Variants in PDCD1LG2 observed in about 807,000 individuals in gnomAD.
The protein encoded by PDCD1LG2 is B7 dendritic cell molecule.
A neutral mutation model predicts 28.2 loss-of-function variants in PDCD1LG2; 32 were observed. That is an observed-to-expected ratio of 1.13 (90% CI 0.86 to 1.52). The LOEUF is 1.52. PDCD1LG2 is among the 40% of genes most tolerant of loss of function. The pLI, the probability that PDCD1LG2 is intolerant of heterozygous loss-of-function variation, is 0.00. For synonymous variants in PDCD1LG2, 116 were observed against 120.2 expected, an observed-to-expected ratio of 0.97 and a Z score of 0.23; for missense variants, 385 against 323.8, an observed-to-expected ratio of 1.19 and a Z score of -1.45.
chr9:5,532,212 C>T (rs149478478), intron 2 of PDCD1LG2, among the ~76,000 whole-genome samples: 1 of 152,336 alleles, frequency 6.6e-6, no homozygotes, highest in East Asian at 1.9e-4. Context: ...TGTACACTCA[C>T]CTTATAGCCC....
intron 6 of PDCD1LG2, among the ~76,000 whole-genome samples, chr9:5,564,788 A>G (rs1816631691): frequency 6.6e-6 from 1 of 152,156 alleles, no homozygotes; most frequent in African/African-American, 2.4e-5. Flanking sequence ...CACCAACACC[A>G]CTGCCATGAG....
At chr9:5,539,688 TG>T in intron 3 of PDCD1LG2, among the ~76,000 whole-genome samples, 1 of 151,942 alleles carries the variant, frequency 6.6e-6, no homozygotes, top group Non-Finnish European at 1.5e-5. Context: ...TCAGAGGAGC[TG>T]GGGTTGAGAA....
At chr9:5,515,726 A>G (rs1820144763) in intron 1 of PDCD1LG2, among the ~76,000 whole-genome samples, 2 of 151,900 alleles carry the variant, frequency 1.3e-5, no homozygotes, top group African/African-American at 4.8e-5. Flanking sequence ...GTTCGAGACC[A>G]GCTTGGCCAA....
chr9:5,548,022 C>G (rs1326123990), intron 3 of PDCD1LG2, among the ~76,000 whole-genome samples: 1 of 143,866 alleles, frequency 7.0e-6, no homozygotes, highest in South Asian at 2.4e-4. Flanking sequence ...TTATTTTTTT[C>G]TCTTCTTAAT....
rs115618212 is a variant in PDCD1LG2 at position 5,526,165 on chromosome 9, A to T, written c.55+3564A>T. The stretch of plus-strand genomic sequence containing the variant: ...TGTGCTAGTTCTTAGGGTAGGTGGT[A>T]GGTTCACAGATGTTCATTTTACTTA... On this transcript the variant is annotated intron_variant, in intron 2 of 6. Transcript: ENST00000397747. Among the ~76,000 whole-genome samples, 1,261 of 152,264 alleles carry T rather than the reference A, an allele frequency of 8.3e-3. 19 individuals carry two copies. The highest frequency in any genetic ancestry group is 0.028 in the African/African-American group (1,176 of 41,550).
chr9:5,559,078 G>C (rs1211702300), intron 5 of PDCD1LG2, among the ~76,000 whole-genome samples: 1 of 152,176 alleles, frequency 6.6e-6, no homozygotes, highest in African/African-American at 2.4e-5. Context: ...CTTCAGAAAT[G>C]AGCAGCTGAG....
At chr9:5,567,210 A>G (rs979606536) in intron 6 of PDCD1LG2, among the ~76,000 whole-genome samples, 1 of 152,222 alleles carries the variant, frequency 6.6e-6, no homozygotes, top group Non-Finnish European at 1.5e-5. Context: ...AAGGACACCT[A>G]CCAATGTCTT....
intron 4 of PDCD1LG2, among the ~76,000 whole-genome samples, chr9:5,551,281 C>T (rs1235701934): frequency 6.6e-6 from 1 of 152,154 alleles, no homozygotes; most frequent in East Asian, 1.9e-4. Flanking sequence ...AGAAAATTCA[C>T]TATATTGTCA....
At chr9:5,528,336 C>G (rs888422649) in intron 2 of PDCD1LG2, among the ~76,000 whole-genome samples, 3 of 150,924 alleles carry the variant, frequency 2.0e-5, no homozygotes, top group African/African-American at 7.3e-5. Flanking sequence ...GGGTATCACT[C>G]TGTTGCCCAG....
chr9:5,523,697 A>G (rs1820319452), intron 2 of PDCD1LG2, among the ~76,000 whole-genome samples: 1 of 152,236 alleles, frequency 6.6e-6, no homozygotes, highest in African/African-American at 2.4e-5. Flanking sequence ...AAAAGGGGCA[A>G]TAACTTCCTT....
At chr9:5,528,717 T>G (rs1290025962) in intron 2 of PDCD1LG2, among the ~76,000 whole-genome samples, 1 of 152,226 alleles carries the variant, frequency 6.6e-6, no homozygotes, top group Non-Finnish European at 1.5e-5. Flanking sequence ...ATTGTTTATT[T>G]TCTTATTGTA....
rs1431913039 is a variant in PDCD1LG2 at position 5,549,470 on chromosome 9, A to T, written c.497A>T (p.His166Leu). ...PNVSVPANTSHSRTPEGLYQV... is the reference protein window; with the variant it reads ...PNVSVPANTSLSRTPEGLYQV... Reference sequence around the variant, plus strand: ...GTCAGCGTTCCTGCCAACACCAGCCACTCCAGGACCCCTGAAGGCCTCTAC... The same window carrying T: ...GTCAGCGTTCCTGCCAACACCAGCCTCTCCAGGACCCCTGAAGGCCTCTAC... The change falls in exon 4 of 7, where the codon CAC becomes CTC. Residue 166 changes from histidine (H) to leucine (L), a missense_variant. By Grantham distance (99) the His-to-Leu change is moderately conservative. Transcript: ENST00000397747. 1 of 1,613,968 alleles carries T rather than the reference A, an allele frequency of 6.2e-7. No individual in the cohort carries two copies. The highest frequency in any genetic ancestry group is 1.1e-5 in the South Asian group (1 of 91,078).
chr9:5,513,455 A>C (rs1035951451), intron 1 of PDCD1LG2, among the ~76,000 whole-genome samples: 2 of 152,228 alleles, frequency 1.3e-5, no homozygotes, highest in African/African-American at 4.8e-5. Flanking sequence ...TGAGAGTTTT[A>C]ACCTTCCAAT....
rs548319143 is a variant in PDCD1LG2 at position 5,525,768 on chromosome 9, G to A, written c.55+3167G>A. ...ATAAAGCTTAAAAAGTAAAGAAGAG[G>A]CCGGGCATGGTGGCTCACGCCTGTA... On this transcript the variant is annotated intron_variant, in intron 2 of 6. Transcript: ENST00000397747. 9.9e-5 allele frequency among the ~76,000 whole-genome samples: 15 copies of A among 152,160 alleles called. No homozygotes were observed. In the East Asian group the frequency reaches 2.5e-3, roughly 25 times the overall value.
At chr9:5,538,860 A>AATTGTACT (rs1820635164) in intron 3 of PDCD1LG2, among the ~76,000 whole-genome samples, 1 of 152,090 alleles carries the variant, frequency 6.6e-6, no homozygotes, top group Admixed American at 6.5e-5. Context: ...AATTGACAAT[A>AATTGTACT]ATTGTACTTA....
intron 4 of PDCD1LG2, among the ~76,000 whole-genome samples, chr9:5,554,729 C>A (rs1247721988): frequency 5.3e-5 from 8 of 152,178 alleles, no homozygotes; most frequent in Non-Finnish European, 8.8e-5. Context: ...TATAAAAGGA[C>A]CCTTGTAGGG....
intron 6 of PDCD1LG2, among the ~76,000 whole-genome samples, chr9:5,566,766 G>A (rs1222510386): frequency 2.0e-5 from 3 of 152,034 alleles, no homozygotes; most frequent in South Asian, 2.1e-4. Flanking sequence ...TAGACCCTAC[G>A]TTGCCATTTA....
intron 3 of PDCD1LG2, among the ~76,000 whole-genome samples, chr9:5,540,846 C>T (rs1020214111): frequency 1.2e-4 from 19 of 152,056 alleles, no homozygotes; most frequent in African/African-American, 4.6e-4. Context: ...AGAGGGAATC[C>T]TCCCTAAATC....
At chr9:5,555,455 A>G (rs1281917748) in intron 4 of PDCD1LG2, among the ~76,000 whole-genome samples, 1 of 152,150 alleles carries the variant, frequency 6.6e-6, no homozygotes, top group African/African-American at 2.4e-5. Flanking sequence ...AAGAAACGAC[A>G]AAAGAGTATG....
Sources: gnomAD v4.1 joint callset for allele counts (sites outside exome capture counted in the v4.1 genomes callset) on GRCh38, gnomAD v4.1.1 for gene constraint, MANE v1.5 for transcripts, NCBI Gene and HGNC (gene_info 2026-07-23, HGNC 2026-07-21) for gene names.